COL19A1: variants seen among roughly 807,000 people sequenced by gnomAD.
The protein encoded by COL19A1 is collagen alpha-1(XIX) chain.
COL19A1 carries 159 observed loss-of-function variants against 190.2 expected under a neutral mutation model. The ratio of observed to expected loss-of-function variants is 0.84; its 90% CI spans 0.73 to 0.95. The LOEUF is 0.95. Among genes scored for constraint, COL19A1 ranks in the 40% least tolerant of loss-of-function variants. COL19A1 has a pLI of 0.00. For synonymous variants in COL19A1, 509 were observed against 458.9 expected, an observed-to-expected ratio of 1.11 and a Z score of -1.39; for missense variants, 1,418 against 1,431.9, an observed-to-expected ratio of 0.99 and a Z score of 0.16.
chr6:70,097,613 G>A (rs1048692734), intron 15 of COL19A1, among the ~76,000 whole-genome samples: 5 of 152,016 alleles, frequency 3.3e-5, no homozygotes, highest in African/African-American at 9.7e-5. Flanking sequence ...GCCCTCCTGG[G>A]TTTAGATCAT....
At chr6:70,199,813 A>G in intron 49 of COL19A1, 77 bp downstream of exon 49, 2 of 1,432,124 alleles carry the variant, frequency 1.4e-6, no homozygotes, top group Non-Finnish European at 1.9e-6. Context: ...CAGTTAAGGA[A>G]AAAAGTATGT....
intron 16 of COL19A1, among the ~76,000 whole-genome samples, chr6:70,110,254 T>C (rs777106359): frequency 1.3e-5 from 2 of 151,836 alleles, no homozygotes; most frequent in African/African-American, 2.4e-5. Flanking sequence ...ATTCAAATTC[T>C]TAACATCCCT....
chr6:70,194,334 G>A (rs1021165315), intron 48 of COL19A1, among the ~76,000 whole-genome samples: 5 of 152,116 alleles, frequency 3.3e-5, no homozygotes, highest in African/African-American at 1.2e-4. Context: ...TGACCCACCT[G>A]GTGATACAAT....
intron 48 of COL19A1, among the ~76,000 whole-genome samples, chr6:70,192,266 G>A (rs757850333): frequency 2.0e-5 from 3 of 151,978 alleles, no homozygotes; most frequent in Non-Finnish European, 4.4e-5. Context: ...TCACCATGTT[G>A]GCAAAAAATG....
chr6:70,076,822 A>G (rs1298612640), intron 15 of COL19A1, among the ~76,000 whole-genome samples: 1 of 152,252 alleles, frequency 6.6e-6, no homozygotes, highest in Non-Finnish European at 1.5e-5. Flanking sequence ...GAGAAGGCAC[A>G]TTCTGCCAAA....
At chr6:69,954,930 T>C (rs888947593) in intron 9 of COL19A1, among the ~76,000 whole-genome samples, 2 of 152,132 alleles carry the variant, frequency 1.3e-5, no homozygotes, top group African/African-American at 4.8e-5. Context: ...TTTCAGTTAC[T>C]GCTATATCAT....
intron 44 of COL19A1, among the ~76,000 whole-genome samples, chr6:70,181,486 C>A (rs1331409672): frequency 2.0e-5 from 3 of 152,014 alleles, no homozygotes; most frequent in African/African-American, 7.3e-5. Context: ...TCATTCCCAT[C>A]CCCTGCAAGG....
chr6:70,199,490 A>C, intron 48 of COL19A1, 118 bp from the exon 49 acceptor site: 1 of 772,732 alleles, frequency 1.3e-6, no homozygotes. Flanking sequence ...TTGGTAAATT[A>C]GATGTGCTTA....
At chr6:70,207,063 T>C (rs1767918724) in intron 50 of COL19A1, 84 bp from the exon 51 acceptor site, 1 of 1,601,906 alleles carries the variant, frequency 6.2e-7, no homozygotes, top group Non-Finnish European at 8.5e-7. Flanking sequence ...ATATGTCAAG[T>C]CGAGTGATCC....
chr6:70,091,606 A>G (rs1782930801), intron 15 of COL19A1, among the ~76,000 whole-genome samples: 1 of 152,196 alleles, frequency 6.6e-6, no homozygotes, highest in Non-Finnish European at 1.5e-5. Context: ...GAGAAAGCTG[A>G]GTTGGTTATG....
intron 16 of COL19A1, among the ~76,000 whole-genome samples, chr6:70,105,791 A>G (rs1232851610): frequency 6.6e-6 from 1 of 152,154 alleles, no homozygotes; most frequent in Admixed American, 6.6e-5. Context: ...ATGTGTTAGA[A>G]TATCTTATGA....
At chr6:70,193,310 C>A (rs973436507) in intron 48 of COL19A1, among the ~76,000 whole-genome samples, 4 of 152,194 alleles carry the variant, frequency 2.6e-5, no homozygotes, top group Non-Finnish European at 5.9e-5. Flanking sequence ...TCAGAGGAGG[C>A]AGGTCAGGGG....
intron 48 of COL19A1, among the ~76,000 whole-genome samples, chr6:70,196,054 A>T (rs999367258): frequency 6.6e-6 from 1 of 152,230 alleles, no homozygotes; most frequent in African/African-American, 2.4e-5. Flanking sequence ...TGAGACAGAG[A>T]CAAGTGAAGT....
intron 4 of COL19A1, among the ~76,000 whole-genome samples, chr6:69,909,541 A>G (rs936284418): frequency 6.6e-6 from 1 of 152,148 alleles, no homozygotes; most frequent in African/African-American, 2.4e-5. Context: ...TCAGAGATGA[A>G]TCAAGTTCTG....
chr6:70,147,035 G>T lies in COL19A1; in HGVS notation c.1893+146G>T, dbSNP rs879114015. 20 of 656,746 alleles carry T rather than the reference G, an allele frequency of 3.0e-5. No individual in the cohort carries two copies. The South Asian group carries it at 5.0e-4, about 16-fold the overall frequency. 40.7% of individuals were successfully genotyped at this position (656,746 alleles called of 1,614,324 possible). On this transcript the variant is annotated intron_variant, in intron 27 of 50. Transcript: ENST00000620364. ...CCAGAGATGACTGATCAGCATTGAGGTTGTATCACTTAAGCACAGAGACAG... is the reference window on the plus strand; with the variant it reads ...CCAGAGATGACTGATCAGCATTGAGTTTGTATCACTTAAGCACAGAGACAG...
chr6:69,974,813 T>C (rs1402624309), intron 11 of COL19A1, among the ~76,000 whole-genome samples: 2 of 139,928 alleles, frequency 1.4e-5, no homozygotes, highest in East Asian at 4.0e-4. Flanking sequence ...TTCCTTTTTT[T>C]TTTTTTTTTT....
chr6:70,028,901 T>G (rs1778870680), intron 12 of COL19A1, among the ~76,000 whole-genome samples: 1 of 151,782 alleles, frequency 6.6e-6, no homozygotes. Context: ...TAAAACACAT[T>G]TAGCTCTAAT....
intron 15 of COL19A1, among the ~76,000 whole-genome samples, chr6:70,068,677 C>G (rs903972063): frequency 2.0e-5 from 3 of 151,894 alleles, no homozygotes; most frequent in African/African-American, 7.2e-5. Context: ...AGATTGGCAG[C>G]ACAAGTGTAG....
intron 41 of COL19A1, among the ~76,000 whole-genome samples, chr6:70,173,981 G>T (rs771525896): frequency 6.2e-4 from 95 of 152,254 alleles, no homozygotes; most frequent in Middle Eastern, 3.4e-3. Flanking sequence ...TATGTGGAGG[G>T]TTTGGCTTCA....
Sources: gnomAD v4.1 joint callset for allele counts (sites outside exome capture counted in the v4.1 genomes callset) on GRCh38, gnomAD v4.1.1 for gene constraint, MANE v1.5 for transcripts, NCBI Gene and HGNC (gene_info 2026-07-23, HGNC 2026-07-21) for gene names.